Variants in RBMS3 observed in about 807,000 individuals in gnomAD.
The protein encoded by RBMS3 is RNA binding motif single stranded interacting protein 3.
A neutral mutation model predicts 66.8 loss-of-function variants in RBMS3; 27 were observed. That is an observed-to-expected ratio of 0.40 (90% confidence interval 0.30 to 0.56). The LOEUF (loss-of-function observed/expected upper bound fraction) is 0.56, where lower values mean the gene tolerates loss of function less well. Ranked by LOEUF, RBMS3 falls within the 20% of genes least tolerant of loss-of-function variation. The probability of loss-of-function intolerance (pLI) is 0.40; values close to 1 mark genes in which losing one functional copy is unlikely to be tolerated. For missense variants in RBMS3, 513 were observed against 549.5 expected (o/e 0.93, Z 0.66); for synonymous variants, 188 against 183.0 (o/e 1.03, Z -0.22).
intron 4 of RBMS3, 82 bp from the exon 5 acceptor site, chr3:29,739,638 C>A: frequency 8.0e-7 from 1 of 1,257,718 alleles, no homozygotes; most frequent in Non-Finnish European, 1.1e-6. Flanking sequence ...ATCTAGATTG[C>A]AGTTTAAACA....
intron 1 of RBMS3, among the ~76,000 whole-genome samples, chr3:29,372,049 C>T (rs2038231508): frequency 1.3e-5 from 2 of 152,048 alleles, no homozygotes; most frequent in Non-Finnish European, 2.9e-5. Flanking sequence ...CAAAAGGCAC[C>T]TGGTAAGTAG....
At chr3:29,398,891 C>T (rs865817080) in intron 1 of RBMS3, among the ~76,000 whole-genome samples, 1 of 152,098 alleles carries the variant, frequency 6.6e-6, no homozygotes, top group Non-Finnish European at 1.5e-5. Flanking sequence ...TTTAAGAGGA[C>T]GATTGGTTTT....
chr3:29,757,742 T>C (rs545944546), intron 5 of RBMS3, among the ~76,000 whole-genome samples: 19 of 152,348 alleles, frequency 1.2e-4, no homozygotes, highest in South Asian at 1.2e-3. Flanking sequence ...ATTTTCTATA[T>C]ATTGCACACC....
At chr3:29,902,754 C>T (rs2060285857) in intron 10 of RBMS3, among the ~76,000 whole-genome samples, 1 of 151,880 alleles carries the variant, frequency 6.6e-6, no homozygotes, top group Admixed American at 6.6e-5. Flanking sequence ...GAATATACCT[C>T]CCCTATCACC....
chr3:29,877,203 A>G (rs889764559), intron 7 of RBMS3, among the ~76,000 whole-genome samples: 6 of 152,178 alleles, frequency 3.9e-5, no homozygotes, highest in Non-Finnish European at 7.3e-5. Flanking sequence ...GAAATAAATA[A>G]TAGTTGGGAT....
chr3:29,333,853 C>G (rs2035802668), intron 1 of RBMS3, among the ~76,000 whole-genome samples: 1 of 152,068 alleles, frequency 6.6e-6, no homozygotes, highest in Non-Finnish European at 1.5e-5. Flanking sequence ...CCTGAAAATC[C>G]TATTTAGTAT....
At chr3:29,551,833 C>G (rs890180842) in intron 3 of RBMS3, among the ~76,000 whole-genome samples, 3 of 152,110 alleles carry the variant, frequency 2.0e-5, no homozygotes, top group African/African-American at 7.2e-5. Context: ...ATAAGATGTA[C>G]ATGTCACTTT....
At chr3:29,587,998 A>G (rs2047593661) in intron 4 of RBMS3, among the ~76,000 whole-genome samples, 1 of 152,044 alleles carries the variant, frequency 6.6e-6, no homozygotes, top group African/African-American at 2.4e-5. Context: ...ATATATACAT[A>G]TTGCGCCAAT....
At chr3:29,736,471 G>A (rs1456853783) in intron 4 of RBMS3, among the ~76,000 whole-genome samples, 3 of 152,216 alleles carry the variant, frequency 2.0e-5, no homozygotes, top group Non-Finnish European at 4.4e-5. Context: ...ATAAACTGGT[G>A]CACTGATGCC....
At chr3:29,466,006 C>T (rs2042529407) in intron 2 of RBMS3, among the ~76,000 whole-genome samples, 1 of 151,618 alleles carries the variant, frequency 6.6e-6, no homozygotes, top group Non-Finnish European at 1.5e-5. Context: ...GGATATGATT[C>T]AGTGATCAGC....
rs11293530 is a variant in RBMS3 at position 29,446,906 on chromosome 3, C to CTTTT, written c.248+12012_248+12015dup. Among the ~76,000 whole-genome samples the CTTTT allele has an allele frequency of 1.7e-3, 115 of 68,594 alleles. 3 individuals are homozygous for CTTTT. Among genetic ancestry groups the CTTTT allele is most frequent in the South Asian group, 2.4e-3 (3 of 1,242 alleles). 45.0% of individuals were successfully genotyped at this position (68,594 alleles called of 152,430 possible). ...TTCTTCAATGCTTCCATTAAGCAGT[C>CTTTT]TTTTTTTTTTTTTTTTTTTTTTTTG... On this transcript the variant is annotated intron_variant, in intron 2 of 14. Transcript: ENST00000383767.
At chr3:29,332,224 G>A (rs796894074) in intron 1 of RBMS3, among the ~76,000 whole-genome samples, 120 of 152,192 alleles carry the variant, frequency 7.9e-4, no homozygotes, top group African/African-American at 2.8e-3. Flanking sequence ...CCAATCCAGT[G>A]AATATCGGAA....
At chr3:29,813,963 A>T (rs1382504871) in intron 6 of RBMS3, among the ~76,000 whole-genome samples, 2 of 151,890 alleles carry the variant, frequency 1.3e-5, no homozygotes, top group Non-Finnish European at 2.9e-5. Context: ...CTAATTGAAT[A>T]CCCTTTATTT....
chr3:29,616,058 T>C (rs2048659991), intron 4 of RBMS3: 1 of 152,174 alleles, frequency 6.6e-6, no homozygotes. Flanking sequence ...GGGAGACAGC[T>C]CAAGGAGGAA....
chr3:29,508,966 C>CGGAG (rs1179026382), intron 3 of RBMS3, among the ~76,000 whole-genome samples: 3 of 151,276 alleles, frequency 2.0e-5, no homozygotes, highest in African/African-American at 7.3e-5. Flanking sequence ...ATGAGCTTTT[C>CGGAG]TTCATGTGTT....
intron 3 of RBMS3, among the ~76,000 whole-genome samples, chr3:29,492,442 G>A (rs954296768): frequency 3.9e-5 from 6 of 152,138 alleles, no homozygotes; most frequent in South Asian, 2.1e-4. Flanking sequence ...TGATAAGAAC[G>A]AGTATTGAAA....
At chr3:29,473,649 G>A (rs910411972) in intron 2 of RBMS3, among the ~76,000 whole-genome samples, 11 of 152,224 alleles carry the variant, frequency 7.2e-5, no homozygotes, top group South Asian at 4.1e-4. Flanking sequence ...CCTGCCCCTC[G>A]GGGAGGCAGC....
At chr3:29,671,700 T>C (rs1235604334) in intron 4 of RBMS3, among the ~76,000 whole-genome samples, 1 of 152,066 alleles carries the variant, frequency 6.6e-6, no homozygotes, top group East Asian at 1.9e-4. Context: ...AAGATCAAAT[T>C]AATGAAATGA....
At chr3:29,415,443 T>C (rs1299912518) in intron 1 of RBMS3, among the ~76,000 whole-genome samples, 1 of 152,200 alleles carries the variant, frequency 6.6e-6, no homozygotes, top group Non-Finnish European at 1.5e-5. Context: ...ACTGTGAAAC[T>C]GGCCCAGAGC....
Sources: gnomAD v4.1 joint callset for allele counts (sites outside exome capture counted in the v4.1 genomes callset) on GRCh38, gnomAD v4.1.1 for gene constraint, MANE v1.5 for transcripts, NCBI Gene and HGNC (gene_info 2026-07-23, HGNC 2026-07-21) for gene names.